CELF1: variants seen among roughly 807,000 people sequenced by gnomAD.
CELF1 encodes the protein 50 kDa nuclear polyadenylated RNA-binding protein.
In CELF1, 10 loss-of-function variants were observed where a neutral mutation model predicts 61.8. That is an observed-to-expected ratio of 0.16 (90% CI 0.10 to 0.27). The LOEUF (loss-of-function observed/expected upper bound fraction) is 0.27, where lower values mean the gene tolerates loss of function less well. CELF1 is among the 10% of genes least tolerant of loss of function. CELF1 has a pLI of 1.00. For synonymous variants in CELF1, 236 were observed against 225.1 expected, an observed-to-expected ratio of 1.05 and a Z score of -0.43; for missense variants, 380 against 639.1, an observed-to-expected ratio of 0.59 and a Z score of 4.37.
In CELF1 at chr11:47,488,397, A is replaced by G. The variant is rs11039261; in HGVS notation, c.259+440T>C. ...GCCTCTGTAATACTAACAAGAAACC[A>G]ATGGGTATGTGGACAGTCTTTCTCC... On this transcript the variant is annotated intron_variant, in intron 4 of 14. Transcript: ENST00000687097. Among the ~76,000 whole-genome samples the G allele has an allele frequency of 9.5e-3, 1,441 of 152,306 alleles. 18 individuals carry two copies. The highest frequency in any genetic ancestry group is 0.026 in the African/African-American group (1,087 of 41,554).
At chr11:47,534,022 CTTTTT>C (rs71042679) in intron 1 of CELF1, among the ~76,000 whole-genome samples, 91 of 87,610 alleles carry the variant, frequency 1.0e-3, no homozygotes, top group South Asian at 5.0e-3. Context: ...TTTTTCTTTC[CTTTTT>C]TTTTTTTTTT....
intron 1 of CELF1, among the ~76,000 whole-genome samples, chr11:47,552,274 A>C (rs139252377): frequency 7.9e-4 from 120 of 152,292 alleles, no homozygotes; most frequent in African/African-American, 2.8e-3. Flanking sequence ...TGCATGTGTA[A>C]TGGTCTCCAA....
intron 2 of CELF1, among the ~76,000 whole-genome samples, chr11:47,561,657 A>G (rs1255689925): frequency 2.6e-5 from 4 of 152,072 alleles, no homozygotes; most frequent in Non-Finnish European, 5.9e-5. Flanking sequence ...ATGACCTAAC[A>G]ATTCCATGAT....
At chr11:47,481,135 A>G (rs2083013175) in intron 9 of CELF1, among the ~76,000 whole-genome samples, 1 of 80,864 alleles carries the variant, frequency 1.2e-5, no homozygotes, top group Non-Finnish European at 2.3e-5. Flanking sequence ...TTTGTGAGAC[A>G]GAGTCTCGCT....
intron 6 of CELF1, among the ~76,000 whole-genome samples, chr11:47,485,565 G>T (rs2086256857): frequency 6.6e-6 from 1 of 151,016 alleles, no homozygotes; most frequent in Non-Finnish European, 1.5e-5. Flanking sequence ...TTCAGTGAAT[G>T]TAACTGTCTA....
chr11:47,516,052 A>G (rs1175739987), intron 1 of CELF1, among the ~76,000 whole-genome samples: 3 of 151,848 alleles, frequency 2.0e-5, no homozygotes, highest in African/African-American at 7.3e-5. Flanking sequence ...AAAATACAAA[A>G]ATTAGCTGGG....
chr11:47,489,831 A>C (rs1360493921), intron 3 of CELF1, among the ~76,000 whole-genome samples: 2 of 152,016 alleles, frequency 1.3e-5, no homozygotes, highest in African/African-American at 2.4e-5. Context: ...TTAGAACCTG[A>C]AGGATAATCA....
chr11:47,473,289 A>C, intron 13 of CELF1, 58 bp from the exon 14 acceptor site: 1 of 1,500,982 alleles, frequency 6.7e-7, no homozygotes. Context: ...GTCGCCCTGC[A>C]CCAGTGATCT....
intron 1 of CELF1, among the ~76,000 whole-genome samples, chr11:47,526,261 C>T (rs763325461): frequency 2.6e-5 from 4 of 151,892 alleles, no homozygotes; most frequent in Non-Finnish European, 5.9e-5. Flanking sequence ...CGGAGGTTGC[C>T]GTGAGCCAAG....
intron 2 of CELF1, among the ~76,000 whole-genome samples, chr11:47,559,565 A>T (rs1257372180): frequency 6.6e-6 from 1 of 152,110 alleles, no homozygotes; most frequent in Non-Finnish European, 1.5e-5. Flanking sequence ...GCCCAGGCTG[A>T]TCTTAAACTC....
intron 9 of CELF1, among the ~76,000 whole-genome samples, chr11:47,481,010 A>AACAAAACAAC (rs2082697073): frequency 6.6e-6 from 1 of 151,966 alleles, no homozygotes; most frequent in African/African-American, 2.4e-5. Flanking sequence ...AACAAAACAA[A>AACAAAACAAC]ACAAAACAAC....
At chr11:47,535,014 G>C (rs1412372531) in intron 1 of CELF1, among the ~76,000 whole-genome samples, 1 of 152,022 alleles carries the variant, frequency 6.6e-6, no homozygotes, top group Non-Finnish European at 1.5e-5. Context: ...CCCTAAGTTG[G>C]AAGCTTTCTG....
intron 1 of CELF1, among the ~76,000 whole-genome samples, chr11:47,540,060 G>A (rs916327792): frequency 1.3e-5 from 2 of 152,194 alleles, no homozygotes; most frequent in Non-Finnish European, 2.9e-5. Flanking sequence ...GATATTACAA[G>A]AGGGGCTAAA....
intron 1 of CELF1, among the ~76,000 whole-genome samples, chr11:47,543,081 G>C (rs2096850075): frequency 6.6e-6 from 1 of 151,964 alleles, no homozygotes; most frequent in Admixed American, 6.6e-5. Flanking sequence ...CTGCACTCAA[G>C]TCTGGGCAAC....
intron 1 of CELF1, among the ~76,000 whole-genome samples, chr11:47,526,721 T>C (rs1478686684): frequency 1.3e-5 from 2 of 152,184 alleles, no homozygotes; most frequent in Non-Finnish European, 2.9e-5. Context: ...ATGTTTATGC[T>C]GATATAACTA....
chr11:47,521,324 T>C (rs1465689691), intron 1 of CELF1, among the ~76,000 whole-genome samples: 1 of 152,230 alleles, frequency 6.6e-6, no homozygotes, highest in Non-Finnish European at 1.5e-5. Context: ...CAAAATCATA[T>C]AGTTATTTTC....
At chr11:47,517,949 A>T (rs904666777) in intron 1 of CELF1, among the ~76,000 whole-genome samples, 6 of 151,992 alleles carry the variant, frequency 3.9e-5, no homozygotes, top group African/African-American at 1.5e-4. Flanking sequence ...CCTACTGAAA[A>T]TTTTTTTAAA....
At chr11:47,522,602 T>C (rs933343573) in intron 1 of CELF1, among the ~76,000 whole-genome samples, 2 of 151,510 alleles carry the variant, frequency 1.3e-5, no homozygotes, top group African/African-American at 4.9e-5. Flanking sequence ...CCAAGGTGGG[T>C]GGATCACCTG....
intron 1 of CELF1, among the ~76,000 whole-genome samples, chr11:47,529,690 A>G (rs368780472): frequency 1.3e-5 from 2 of 152,094 alleles, no homozygotes; most frequent in East Asian, 1.9e-4. Flanking sequence ...GTGTGGTGGC[A>G]GGCACCTGTA....
Sources: gnomAD v4.1 joint callset for allele counts (sites outside exome capture counted in the v4.1 genomes callset) on GRCh38, gnomAD v4.1.1 for gene constraint, MANE v1.5 for transcripts, NCBI Gene and HGNC (gene_info 2026-07-23, HGNC 2026-07-21) for gene names.